The following SDK1 variants were observed in gnomAD, a reference collection of about 807,000 sequenced individuals.
SDK1 encodes sidekick cell adhesion molecule 1.
Under a neutral mutation model 245.5 loss-of-function variants are expected in SDK1, and 157 were observed. That is an observed-to-expected ratio of 0.64 (90% CI 0.56 to 0.73). The LOEUF (loss-of-function observed/expected upper bound fraction) is 0.73. Ranked by LOEUF, SDK1 falls within the 30% of genes least tolerant of loss-of-function variation. The pLI, the probability that SDK1 is intolerant of heterozygous loss-of-function variation, is 0.00. For missense variants in SDK1, 3,583 were observed against 3,002.3 expected, an observed-to-expected ratio of 1.19 and a Z score of -4.52; for synonymous variants, 1,647 against 1,278.5, an observed-to-expected ratio of 1.29 and a Z score of -6.15.
At chr7:3,567,068 C>G (rs528913490) in intron 1 of SDK1, among the ~76,000 whole-genome samples, 2 of 152,248 alleles carry the variant, frequency 1.3e-5, no homozygotes, top group South Asian at 4.2e-4. Flanking sequence ...CCTAGGAACA[C>G]TTTTAGATAA....
intron 5 of SDK1, among the ~76,000 whole-genome samples, chr7:3,856,631 A>G (rs1780553703): frequency 6.6e-6 from 1 of 151,994 alleles, no homozygotes. Flanking sequence ...TGTCTCCTAA[A>G]AGTACAAAAA....
At chr7:4,022,899 A>C (rs1164471515) in intron 17 of SDK1, among the ~76,000 whole-genome samples, 1 of 149,120 alleles carries the variant, frequency 6.7e-6, no homozygotes, top group African/African-American at 2.5e-5. Context: ...TCAGCCTCCC[A>C]AGTAGCTGGG....
At chr7:4,083,708 T>C (rs888191002) in intron 22 of SDK1, among the ~76,000 whole-genome samples, 1 of 33,974 alleles carries the variant, frequency 2.9e-5, no homozygotes, top group Non-Finnish European at 9.3e-5. Context: ...CTCCTTTACT[T>C]CCTCCCTCCC....
Position 4,114,265 on chromosome 7 carries a change from C to T in SDK1, c.3814C>T (p.Arg1272Trp), listed in dbSNP as rs752568090. Residue 1272 changes from arginine to tryptophan, a missense_variant, in exon 25 of 45, where the codon CGG becomes TGG. Transcript: ENST00000404826. ...GAGCGAGGTGGTGCGGGGCCGGACGCGGGAGTCAGGTGAGGGGAAGGCGAT... is the reference window on the plus strand; with the variant it reads ...GAGCGAGGTGGTGCGGGGCCGGACGTGGGAGTCAGGTGAGGGGAAGGCGAT... ...PWSEVVRGRT[R>W]ESVPSAAPEN... 7.5e-6 allele frequency: 12 copies of T among 1,602,480 alleles called. No individual in the cohort carries two copies. Among genetic ancestry groups the T allele is most frequent in the East Asian group, 6.8e-5 (3 of 44,442 alleles).
At chr7:3,501,621 C>T (rs1782217142) in intron 1 of SDK1, among the ~76,000 whole-genome samples, 1 of 152,138 alleles carries the variant, frequency 6.6e-6, no homozygotes. Context: ...ATTTGTTTTT[C>T]TTAATCCATT....
chr7:3,598,485 A>G (rs756798495), intron 1 of SDK1, among the ~76,000 whole-genome samples: 3 of 152,154 alleles, frequency 2.0e-5, no homozygotes, highest in African/African-American at 7.2e-5. Flanking sequence ...GACTCTCCCA[A>G]TGGTAACATG....
At chr7:3,960,789 T>G (rs567218244) in intron 8 of SDK1, among the ~76,000 whole-genome samples, 1 of 152,328 alleles carries the variant, frequency 6.6e-6, no homozygotes, top group South Asian at 2.1e-4. Flanking sequence ...GAATTTTACG[T>G]GGAATTATCT....
chr7:4,262,370 G>T (rs1384681554), intron 44 of SDK1, among the ~76,000 whole-genome samples: 1 of 151,448 alleles, frequency 6.6e-6, no homozygotes, highest in Non-Finnish European at 1.5e-5. Context: ...CAAACCGAAA[G>T]ACCATAAAAT....
intron 4 of SDK1, among the ~76,000 whole-genome samples, chr7:3,702,793 C>A (rs1009238097): frequency 6.6e-6 from 1 of 152,106 alleles, no homozygotes; most frequent in South Asian, 2.1e-4. Context: ...TCATGGTACT[C>A]CTTGACTTCT....
intron 2 of SDK1, among the ~76,000 whole-genome samples, chr7:3,623,547 G>A (rs1024100235): frequency 2.6e-5 from 4 of 151,950 alleles, no homozygotes; most frequent in African/African-American, 9.7e-5. Context: ...GGCCTCAAAT[G>A]TTACATTTCA....
intron 4 of SDK1, among the ~76,000 whole-genome samples, chr7:3,783,928 A>G (rs1218055418): frequency 6.6e-6 from 1 of 150,858 alleles, no homozygotes; most frequent in Non-Finnish European, 1.5e-5. Context: ...AGCTGAAGGC[A>G]TCACACTACC....
chr7:3,605,178 C>T (rs946402798), intron 1 of SDK1, among the ~76,000 whole-genome samples: 1 of 111,588 alleles, frequency 9.0e-6, no homozygotes. Flanking sequence ...GGTGTGATGT[C>T]TACTGTATAA....
intron 2 of SDK1, among the ~76,000 whole-genome samples, chr7:3,620,930 T>A (rs1466223416): frequency 6.6e-6 from 1 of 152,142 alleles, no homozygotes; most frequent in Non-Finnish European, 1.5e-5. Context: ...TCATAGTAGA[T>A]CATAGCATGT....
chr7:4,002,858 C>T (rs142735361), intron 14 of SDK1, among the ~76,000 whole-genome samples: 55 of 152,330 alleles, frequency 3.6e-4, no homozygotes, highest in Non-Finnish European at 5.1e-4. Flanking sequence ...TGCTGGGACC[C>T]GGGGAGGGCC....
chr7:4,193,388 A>G lies in SDK1; in HGVS notation c.5099-12491A>G, dbSNP rs980477986. Reference sequence around the variant, plus strand: ...TTAAAATATTTATATATATATATATATATATATATAAAGGGGAGTTTATTA... The same window carrying G: ...TTAAAATATTTATATATATATATATGTATATATATAAAGGGGAGTTTATTA... On this transcript the variant is annotated intron_variant, in intron 35 of 44. Coordinates refer to ENST00000404826, the MANE Select transcript of SDK1 (RefSeq NM_152744.4). Among the ~76,000 whole-genome samples, 9 of 139,432 alleles carry G rather than the reference A, an allele frequency of 6.5e-5. 1 individual carries two copies. In the South Asian group the frequency reaches 1.9e-3, roughly 30 times the overall value. 91.5% of individuals were successfully genotyped at this position (139,432 alleles called of 152,430 possible).
intron 19 of SDK1, among the ~76,000 whole-genome samples, chr7:4,055,168 G>A (rs1004340256): frequency 2.6e-5 from 4 of 152,094 alleles, no homozygotes; most frequent in Admixed American, 1.3e-4. Flanking sequence ...GCGTAAAATT[G>A]GTGTCATTTT....
chr7:4,103,644 T>A (rs1260793387), intron 22 of SDK1, among the ~76,000 whole-genome samples: 1 of 152,240 alleles, frequency 6.6e-6, no homozygotes, highest in Non-Finnish European at 1.5e-5. Context: ...TGTTCATTTG[T>A]AAATTCGTTA....
intron 4 of SDK1, among the ~76,000 whole-genome samples, chr7:3,791,660 A>G (rs1781094137): frequency 6.6e-6 from 1 of 152,186 alleles, no homozygotes; most frequent in Non-Finnish European, 1.5e-5. Flanking sequence ...GGCTCACAAC[A>G]GGTGCCCACT....
intron 1 of SDK1, among the ~76,000 whole-genome samples, chr7:3,493,148 T>C (rs987567246): frequency 1.3e-5 from 2 of 152,126 alleles, no homozygotes; most frequent in African/African-American, 4.8e-5. Context: ...AGACGGAGTT[T>C]CACCGTGTTA....
Sources: allele counts gnomAD v4.1 joint callset (sites outside exome capture counted in the v4.1 genomes callset), GRCh38; gene constraint gnomAD v4.1.1; transcripts MANE v1.5; gene names NCBI Gene and HGNC (gene_info 2026-07-23, HGNC 2026-07-21).